Variants in ANKRD11 observed in about 807,000 individuals in gnomAD.
ANKRD11 encodes the protein ankyrin repeat domain 11, also known as ankyrin repeat domain-containing protein 11.
Under a neutral mutation model 195.7 loss-of-function variants are expected in ANKRD11, and 17 were observed. That is an observed-to-expected ratio of 0.09 (90% CI 0.06 to 0.13). The LOEUF is 0.13. ANKRD11 is among the 10% of genes least tolerant of loss of function. The probability of loss-of-function intolerance (pLI) is 1.00; values close to 1 mark genes in which losing one functional copy is unlikely to be tolerated. For missense variants in ANKRD11, 3,735 were observed against 3,566.1 expected (o/e 1.05, Z -1.21); for synonymous variants, 1,953 against 1,528.1 (o/e 1.28, Z -6.49).
At chr16:89,310,004 C>G (rs981012503) in intron 3 of ANKRD11, among the ~76,000 whole-genome samples, 6 of 152,198 alleles carry the variant, frequency 3.9e-5, no homozygotes, top group Non-Finnish European at 7.4e-5. Flanking sequence ...TCACGACTTC[C>G]ACTCATGGGA....
chr16:89,453,351 G>C (rs769897772), intron 1 of ANKRD11, among the ~76,000 whole-genome samples: 1 of 152,182 alleles, frequency 6.6e-6, no homozygotes, highest in Non-Finnish European at 1.5e-5. Context: ...TAAAATGGAA[G>C]AGGAATCCCT....
Position 89,275,212 on chromosome 16 carries a change from T to G in ANKRD11, c.7471-21A>C, listed in dbSNP as rs558301594. On this transcript the variant is annotated intron_variant, in intron 9 of 12. Transcript: ENST00000301030. ...GCGATCTACAGGCAAAAGGTGAGTG[T>G]GGGGGGTCAGCTGGGGCTGTGGAAC... 3.8e-5 allele frequency: 60 copies of G among 1,588,044 alleles called. No individual in the cohort carries two copies. The East Asian group carries it at 7.2e-4, about 19-fold the overall frequency.
chr16:89,428,337 A>G (rs1003400293), intron 1 of ANKRD11, among the ~76,000 whole-genome samples: 10 of 152,176 alleles, frequency 6.6e-5, no homozygotes, highest in Admixed American at 4.6e-4. Context: ...CATCCTGGCC[A>G]ACACGGTGAA....
At chr16:89,445,846 G>C (rs1297334598) in intron 1 of ANKRD11, among the ~76,000 whole-genome samples, 1 of 152,018 alleles carries the variant, frequency 6.6e-6, no homozygotes, top group Non-Finnish European at 1.5e-5. Context: ...GTGCATGCCT[G>C]TAATCCCAGC....
chr16:89,387,616 T>G (rs1407677732), intron 2 of ANKRD11, among the ~76,000 whole-genome samples: 1 of 141,600 alleles, frequency 7.1e-6, no homozygotes. Context: ...GAGCTTGCAG[T>G]GAGCCGAGAC....
At chr16:89,275,767 G>A (rs1437814688) in intron 9 of ANKRD11, among the ~76,000 whole-genome samples, 2 of 152,214 alleles carry the variant, frequency 1.3e-5, no homozygotes, top group Admixed American at 6.5e-5. Flanking sequence ...ACCAGCAGAA[G>A]GGTTCTCACA....
chr16:89,456,360 C>T (rs969118677), intron 1 of ANKRD11, among the ~76,000 whole-genome samples: 3 of 151,850 alleles, frequency 2.0e-5, no homozygotes, highest in Non-Finnish European at 2.9e-5. Flanking sequence ...ACCAGCCTAA[C>T]CAACATGGAA....
Position 89,422,387 on chromosome 16 carries a change from G to A in ANKRD11, c.-144-4019C>T, listed in dbSNP as rs114294407. On this transcript the variant is annotated intron_variant, in intron 1 of 12. Transcript: ENST00000301030. ...AGCAATTTTAAAAAAAAGGATCTTG[G>A]ATGTTATCACCAAAAAGAAGTGGTA... Among the ~76,000 whole-genome samples, 251 of 152,134 alleles carry A rather than the reference G, an allele frequency of 1.6e-3. 2 individuals carry two copies. The highest frequency in any genetic ancestry group is 5.8e-3 in the African/African-American group (242 of 41,508).
intron 2 of ANKRD11, among the ~76,000 whole-genome samples, chr16:89,365,155 T>G (rs1295122781): frequency 1.3e-5 from 2 of 152,214 alleles, no homozygotes; most frequent in Admixed American, 1.3e-4. Flanking sequence ...ACTAGATGAT[T>G]AACTCAATTC....
intron 2 of ANKRD11, among the ~76,000 whole-genome samples, chr16:89,339,466 G>A (rs1409366666): frequency 6.9e-6 from 1 of 144,198 alleles, no homozygotes; most frequent in Admixed American, 7.3e-5. Flanking sequence ...AGCCCATCCT[G>A]CCCTGAGTGC....
chr16:89,478,002 C>G (rs1215786781), intron 1 of ANKRD11, among the ~76,000 whole-genome samples: 1 of 152,150 alleles, frequency 6.6e-6, no homozygotes, highest in South Asian at 2.1e-4. Context: ...ATATTTGTTT[C>G]TTGGTATGTA....
intron 2 of ANKRD11, among the ~76,000 whole-genome samples, chr16:89,331,176 A>C (rs2038047499): frequency 6.6e-6 from 1 of 151,994 alleles, no homozygotes; most frequent in African/African-American, 2.4e-5. Flanking sequence ...CTGGTCTCGA[A>C]CTCCTGACCT....
chr16:89,457,704 C>T (rs2056498903), intron 1 of ANKRD11, among the ~76,000 whole-genome samples: 1 of 151,822 alleles, frequency 6.6e-6, no homozygotes, highest in Non-Finnish European at 1.5e-5. Context: ...GTTCTGGTTA[C>T]AAATGGGCAT....
chr16:89,271,253 TTA>T, intron 11 of ANKRD11: 2 of 353,356 alleles, frequency 5.7e-6, no homozygotes, highest in Non-Finnish European at 1.1e-5. Context: ...TTTTTTTTTT[TTA>T]AGAGACAGAG....
At chr16:89,444,738 G>A (rs1042928813) in intron 1 of ANKRD11, among the ~76,000 whole-genome samples, 1 of 152,170 alleles carries the variant, frequency 6.6e-6, no homozygotes. Flanking sequence ...GAGCCCATGA[G>A]CTCAAGACCA....
chr16:89,462,302 C>T (rs943470661), intron 1 of ANKRD11, among the ~76,000 whole-genome samples: 1 of 152,164 alleles, frequency 6.6e-6, no homozygotes, highest in Non-Finnish European at 1.5e-5. Context: ...AGCCCCTAAC[C>T]GCAAGTGATC....
At chr16:89,452,928 C>G (rs979010094) in intron 1 of ANKRD11, among the ~76,000 whole-genome samples, 1 of 152,020 alleles carries the variant, frequency 6.6e-6, no homozygotes. Context: ...ATCACACATG[C>G]GTGGATAAAC....
chr16:89,411,523 CCTA>C (rs1255198046), intron 2 of ANKRD11, among the ~76,000 whole-genome samples: 1 of 152,196 alleles, frequency 6.6e-6, no homozygotes, highest in Non-Finnish European at 1.5e-5. Flanking sequence ...AAGAGATCCT[CCTA>C]CCTCAACCTC....
chr16:89,315,992 ACT>A (rs1338001150), intron 3 of ANKRD11, among the ~76,000 whole-genome samples: 1 of 152,146 alleles, frequency 6.6e-6, no homozygotes, highest in Non-Finnish European at 1.5e-5. Context: ...CCAGGAACAC[ACT>A]GAGGGGACCC....
Sources: gnomAD v4.1 joint callset for allele counts (sites outside exome capture counted in the v4.1 genomes callset) on GRCh38, gnomAD v4.1.1 for gene constraint, MANE v1.5 for transcripts, NCBI Gene and HGNC (gene_info 2026-07-23, HGNC 2026-07-21) for gene names.